Variants in SHANK2 observed in about 807,000 individuals in gnomAD.
SHANK2 encodes the protein SH3 and multiple ankyrin repeat domains protein 2.
SHANK2 carries 43 observed loss-of-function variants against 133.7 expected under a neutral mutation model. The observed-to-expected ratio is 0.32, with a 90% CI of 0.25 to 0.41. The LOEUF is 0.41. Ranked by LOEUF, SHANK2 falls within the 10% of genes least tolerant of loss-of-function variation. The pLI is 1.00. For synonymous variants in SHANK2, 1,017 were observed against 952.8 expected (o/e 1.07, Z -1.24); for missense variants, 1,994 against 2,235.8 (o/e 0.89, Z 2.18).
chr11:70,585,489 A>G (rs868980154), intron 17 of SHANK2, among the ~76,000 whole-genome samples: 2 of 152,174 alleles, frequency 1.3e-5, no homozygotes, highest in Admixed American at 1.3e-4. Context: ...CATTTAACAC[A>G]AATTGACCAG....
At chr11:70,636,965 AAAC>A (rs1240515024) in intron 17 of SHANK2, among the ~76,000 whole-genome samples, 2 of 140,386 alleles carry the variant, frequency 1.4e-5, no homozygotes, top group Admixed American at 7.2e-5. Context: ...AAGGGGCTTC[AAAC>A]AACAGGAATT....
At chr11:70,514,225 C>T (rs782435453) in intron 17 of SHANK2, among the ~76,000 whole-genome samples, 52 of 152,222 alleles carry the variant, frequency 3.4e-4, no homozygotes, top group Non-Finnish European at 5.1e-4. Flanking sequence ...TAGAAGACGG[C>T]GGAACAACAT....
At chr11:70,760,929 C>T (rs1163820608) in intron 14 of SHANK2, among the ~76,000 whole-genome samples, 1 of 152,144 alleles carries the variant, frequency 6.6e-6, no homozygotes, top group African/African-American at 2.4e-5. Flanking sequence ...TGCAGGGCTT[C>T]AATGCAGGGA....
chr11:70,629,562 G>A (rs1436484279), intron 17 of SHANK2, among the ~76,000 whole-genome samples: 2 of 152,210 alleles, frequency 1.3e-5, no homozygotes, highest in African/African-American at 2.4e-5. Context: ...GCAGCGGGAT[G>A]AGCTGGCAAA....
intron 1 of SHANK2, among the ~76,000 whole-genome samples, chr11:71,233,875 C>T (rs1224236033): frequency 2.0e-5 from 3 of 151,862 alleles, no homozygotes; most frequent in Non-Finnish European, 4.4e-5. Context: ...TGCAAAACAC[C>T]ATCTCTACTA....
In SHANK2 at chr11:70,468,562, A is replaced by AAAG. The variant is rs1307459978; in HGVS notation, c.*4304_*4306dup. 1.3e-5 allele frequency: 2 copies of AAAG among 152,234 alleles called. No homozygotes were observed. The highest frequency in any genetic ancestry group is 2.9e-5 in the Non-Finnish European group (2 of 68,036). 9.4% of individuals were successfully genotyped at this position (152,234 alleles called of 1,614,324 possible). A position where few individuals can be genotyped will look rare whatever the true frequency, so the allele number is the denominator to read the frequency against. On this transcript the variant is annotated 3_prime_UTR_variant, in exon 26 of 26. Coordinates refer to ENST00000601538, the MANE Select transcript of SHANK2 (RefSeq NM_012309.5). ...ATTAAAATGCCTCCAATTTCAAGTA[A>AAAG]AAGAAAAAATCTTCCAATAATTTTC... is the stretch of plus-strand genomic sequence containing the variant.
At chr11:70,592,165 G>A (rs1668331958) in intron 17 of SHANK2, among the ~76,000 whole-genome samples, 4 of 152,344 alleles carry the variant, frequency 2.6e-5, no homozygotes, top group Admixed American at 1.3e-4. Context: ...GGCTCAGGCT[G>A]TGAATTGATG....
At chr11:70,767,037 G>A (rs1266106465) in intron 14 of SHANK2, among the ~76,000 whole-genome samples, 1 of 152,256 alleles carries the variant, frequency 6.6e-6, no homozygotes, top group Non-Finnish European at 1.5e-5. Flanking sequence ...CGGACACGGG[G>A]AGGCATCAGA....
chr11:70,661,897 A>T, intron 15 of SHANK2: 2 of 1,301,500 alleles, frequency 1.5e-6, no homozygotes, highest in Non-Finnish European at 2.2e-6. Context: ...TGAGACTTGC[A>T]GGGTGGGGGC....
At position 70,882,239 on chromosome 11, in the gene SHANK2, C is replaced by T. The variant is rs575593674; in HGVS notation, c.1174+14262G>A. Among the ~76,000 whole-genome samples the T allele has an allele frequency of 6.6e-5, 10 of 152,120 alleles. No individual in the cohort carries two copies. Among genetic ancestry groups the T allele is most frequent in the Admixed American group, 2.0e-4 (3 of 15,278 alleles). ...GAGAAGGAAGTGGAGGAGAGAAGAACGGGTGGCTCTGCTCGGCCCATTCAC... is the reference window on the plus strand; with the variant it reads ...GAGAAGGAAGTGGAGGAGAGAAGAATGGGTGGCTCTGCTCGGCCCATTCAC... On this transcript the variant is annotated intron_variant, in intron 11 of 25. Coordinates refer to ENST00000601538, the MANE Select transcript of SHANK2 (RefSeq NM_012309.5). This position sits in a 1 kb window ranked among gnomAD's most constrained non-coding sequence, Gnocchi z 4.2.
At chr11:70,763,652 C>T (rs1399781777) in intron 14 of SHANK2, among the ~76,000 whole-genome samples, 1 of 152,200 alleles carries the variant, frequency 6.6e-6, no homozygotes, top group Admixed American at 6.5e-5. Flanking sequence ...CAGCAGCATG[C>T]CTGGCTCTGA....
rs77770264 is a variant in SHANK2 at position 70,932,060 on chromosome 11, A to G, written c.1108-35493T>C. On this transcript the variant is annotated intron_variant, in intron 10 of 25. Coordinates refer to ENST00000601538, the MANE Select transcript of SHANK2 (RefSeq NM_012309.5). ...ATTACCATAATCTCTATGATACGGT[A>G]TCTTCCATCGGAAATGAGTGGAAAT... 5.2e-3 allele frequency among the ~76,000 whole-genome samples: 787 copies of G among 152,324 alleles called. 4 individuals are homozygous for G. Among genetic ancestry groups the G allele is most frequent in the African/African-American group, 0.018 (752 of 41,568 alleles).
intron 2 of SHANK2, among the ~76,000 whole-genome samples, chr11:71,155,624 C>T (rs1952893455): frequency 6.6e-6 from 1 of 152,112 alleles, no homozygotes; most frequent in African/African-American, 2.4e-5. Context: ...CTAGCACCAC[C>T]TCTTCCAGCA....
chr11:70,611,288 G>A (rs781874821), intron 17 of SHANK2, among the ~76,000 whole-genome samples: 9 of 152,244 alleles, frequency 5.9e-5, no homozygotes, highest in South Asian at 2.1e-4. Flanking sequence ...GCATGTTCAC[G>A]GACACCTATT....
At chr11:70,661,874 G>GAGCGTGGCACAATGAGACT in intron 15 of SHANK2, 196 bp from the exon 16 acceptor site, 2 of 1,488,154 alleles carry the variant, frequency 1.3e-6, no homozygotes, top group Non-Finnish European at 1.9e-6. Flanking sequence ...CGGGATAGGC[G>GAGCGTGGCACAATGAGACT]AGCGTGGCAC....
intron 2 of SHANK2, among the ~76,000 whole-genome samples, chr11:71,204,521 C>T (rs1478587760): frequency 6.6e-6 from 1 of 152,184 alleles, no homozygotes; most frequent in Non-Finnish European, 1.5e-5. Context: ...CACCTCCTCT[C>T]CCCTGGGTGA....
intron 14 of SHANK2, among the ~76,000 whole-genome samples, chr11:70,769,611 G>A (rs1370917448): frequency 6.6e-6 from 1 of 152,244 alleles, no homozygotes. Context: ...AATGGCATGT[G>A]CGTGCATGCA....
intron 10 of SHANK2, chr11:70,907,823 C>T (rs1311493088): frequency 2.3e-6 from 1 of 444,366 alleles, no homozygotes; most frequent in African/African-American, 2.0e-5. Flanking sequence ...TAGACTGGGT[C>T]AGACATGAAG....
intron 8 of SHANK2, among the ~76,000 whole-genome samples, chr11:71,092,036 C>T (rs968235443): frequency 7.2e-5 from 11 of 152,296 alleles, no homozygotes; most frequent in South Asian, 6.2e-4. Context: ...CTCACCTGTG[C>T]TCAGAAAACA....
Sources: gnomAD v4.1 joint callset for allele counts (sites outside exome capture counted in the v4.1 genomes callset) on GRCh38, gnomAD v4.1.1 for gene constraint, Gnocchi (gnomAD v3.1) non-coding constraint, MANE v1.5 for transcripts, NCBI Gene and HGNC (gene_info 2026-07-23, HGNC 2026-07-21) for gene names.